Variants in CCDC178 observed in about 807,000 individuals in gnomAD.
The protein encoded by CCDC178 is coiled-coil domain-containing protein 178.
In CCDC178, 126 loss-of-function variants were observed where a neutral mutation model predicts 117.4. The observed-to-expected ratio is 1.07, with a 90% CI of 0.93 to 1.24. The LOEUF is 1.24. CCDC178 is among the 50% of genes most tolerant of loss of function. The probability of loss-of-function intolerance (pLI) is 0.00; values close to 1 mark genes in which losing one functional copy is unlikely to be tolerated. For missense variants in CCDC178, 1,030 were observed against 986.9 expected, an observed-to-expected ratio of 1.04 and a Z score of -0.59; for synonymous variants, 283 against 313.4, an observed-to-expected ratio of 0.90 and a Z score of 1.02.
At chr18:33,114,694 T>TA (rs1389714739) in intron 20 of CCDC178, among the ~76,000 whole-genome samples, 2 of 152,074 alleles carry the variant, frequency 1.3e-5, no homozygotes, top group Non-Finnish European at 2.9e-5. Context: ...AGTTACTTTT[T>TA]AAAAAATGTT....
intron 21 of CCDC178, among the ~76,000 whole-genome samples, chr18:33,065,314 A>G (rs576600113): frequency 7.9e-5 from 12 of 152,312 alleles, no homozygotes; most frequent in African/African-American, 2.4e-4. Flanking sequence ...TGATTTTATC[A>G]TTATACAACA....
At position 33,417,825 on chromosome 18, in the gene CCDC178, G is replaced by A. The variant is rs148239869; in HGVS notation, c.-22-5715C>T. Reference sequence around the variant, plus strand: ...TTGAAACTCTGAATAGACCCATAACGAATTCCAAAATTTAATCAGTAATAA... The same window carrying A: ...TTGAAACTCTGAATAGACCCATAACAAATTCCAAAATTTAATCAGTAATAA... On this transcript the variant is annotated intron_variant, in intron 2 of 22. Transcript: ENST00000383096. 3.8e-3 allele frequency among the ~76,000 whole-genome samples: 579 copies of A among 152,038 alleles called. 2 individuals carry two copies. Among genetic ancestry groups the A allele is most frequent in the African/African-American group, 0.013 (553 of 41,464 alleles).
At chr18:33,196,031 C>A (rs1166639969) in intron 20 of CCDC178, among the ~76,000 whole-genome samples, 1 of 152,178 alleles carries the variant, frequency 6.6e-6, no homozygotes, top group Admixed American at 6.5e-5. Flanking sequence ...CTTTACTTGT[C>A]TGGGGGCTTT....
chr18:33,184,330 GA>G (rs2058765320), intron 20 of CCDC178, among the ~76,000 whole-genome samples: 2 of 151,954 alleles, frequency 1.3e-5, no homozygotes, highest in Non-Finnish European at 2.9e-5. Flanking sequence ...ATATTGTACA[GA>G]ATAAGAGGAA....
At chr18:33,234,945 T>C (rs1421024819) in intron 15 of CCDC178, among the ~76,000 whole-genome samples, 4 of 152,200 alleles carry the variant, frequency 2.6e-5, no homozygotes, top group Non-Finnish European at 5.9e-5. Context: ...AGAAGTTGCA[T>C]GGTGCATACA....
At chr18:33,228,478 TAAG>T (rs1231308474) in intron 15 of CCDC178, among the ~76,000 whole-genome samples, 3 of 152,180 alleles carry the variant, frequency 2.0e-5, no homozygotes, top group Admixed American at 1.3e-4. Flanking sequence ...TTTAAATAGA[TAAG>T]AAGCCTGAAG....
chr18:33,099,292 C>A (rs894459920), intron 20 of CCDC178, among the ~76,000 whole-genome samples: 3 of 152,026 alleles, frequency 2.0e-5, no homozygotes, highest in Non-Finnish European at 4.4e-5. Context: ...ATCCTGTGCA[C>A]ATGCCCACGC....
chr18:33,311,729 G>T (rs1475511541), intron 11 of CCDC178, among the ~76,000 whole-genome samples: 1 of 152,210 alleles, frequency 6.6e-6, no homozygotes, highest in Non-Finnish European at 1.5e-5. Flanking sequence ...AAAAAAGATT[G>T]ACAGGGCCTG....
chr18:33,412,146 CTAAAT>C, intron 2 of CCDC178, 36 bp from the exon 3 acceptor site: 1 of 803,676 alleles, frequency 1.2e-6, no homozygotes, highest in Non-Finnish European at 2.0e-6. Flanking sequence ...TATCATGAAT[CTAAAT>C]TAGTTTATAT....
At chr18:32,946,132 T>C (rs557634419) in intron 22 of CCDC178, among the ~76,000 whole-genome samples, 1 of 152,166 alleles carries the variant, frequency 6.6e-6, no homozygotes, top group Non-Finnish European at 1.5e-5. Context: ...GAAATTCCCA[T>C]GTAACCTACT....
intron 2 of CCDC178, among the ~76,000 whole-genome samples, chr18:33,419,886 C>A (rs556354019): frequency 1.3e-5 from 2 of 151,868 alleles, no homozygotes; most frequent in East Asian, 3.9e-4. Flanking sequence ...ACAGAATTAC[C>A]ATTCAACCCA....
In CCDC178 at chr18:33,243,127, T is replaced by C. The variant is rs114957236; in HGVS notation, c.1593+2118A>G. On this transcript the variant is annotated intron_variant, in intron 15 of 22. Transcript: ENST00000383096. ...ACATGGATGGAACTGGAGGACATTATGTTAAGTGAAGTCACTCAGGAATAG... is the reference window on the plus strand; with the variant it reads ...ACATGGATGGAACTGGAGGACATTACGTTAAGTGAAGTCACTCAGGAATAG... 4.9e-3 allele frequency among the ~76,000 whole-genome samples: 740 copies of C among 152,044 alleles called. 5 individuals carry two copies. The highest frequency in any genetic ancestry group is 0.017 in the African/African-American group (708 of 41,528).
chr18:33,297,285 C>A (rs1387313903), intron 11 of CCDC178, among the ~76,000 whole-genome samples: 1 of 151,696 alleles, frequency 6.6e-6, no homozygotes, highest in Non-Finnish European at 1.5e-5. Flanking sequence ...CCTAGAAAAG[C>A]AAGAACAAAC....
At chr18:33,077,698 T>A (rs934503157) in intron 21 of CCDC178, among the ~76,000 whole-genome samples, 1 of 152,174 alleles carries the variant, frequency 6.6e-6, no homozygotes, top group Non-Finnish European at 1.5e-5. Flanking sequence ...GATAAATTCC[T>A]GGACACATAC....
At chr18:33,081,353 C>T (rs189145334) in intron 21 of CCDC178, among the ~76,000 whole-genome samples, 1 of 152,278 alleles carries the variant, frequency 6.6e-6, no homozygotes, top group Admixed American at 6.5e-5. Flanking sequence ...TATGTAGGGT[C>T]AATTCATGCT....
rs552784666 is a variant in CCDC178, at chr18:33,014,453, TA to T, written c.2389-39773del. Among the ~76,000 whole-genome samples, 819 of 152,310 alleles carry T rather than the reference TA, an allele frequency of 5.4e-3. 8 individuals carry two copies. The highest frequency in any genetic ancestry group is 0.018 in the African/African-American group (742 of 41,574). ...GAAAAACTGGAAAAAGAAATGTCTT[TA>T]AAGGGTCTTTGAAAATCTCTGACAA... On this transcript the variant is annotated intron_variant, in intron 21 of 22. Transcript: ENST00000383096.
chr18:33,162,075 C>T (rs958177561), intron 20 of CCDC178, among the ~76,000 whole-genome samples: 3 of 152,070 alleles, frequency 2.0e-5, no homozygotes, highest in Non-Finnish European at 4.4e-5. Flanking sequence ...AGCAAACTAT[C>T]GCAAGGACAG....
At chr18:33,094,904 A>G (rs2057520495) in intron 20 of CCDC178, among the ~76,000 whole-genome samples, 1 of 151,996 alleles carries the variant, frequency 6.6e-6, no homozygotes, top group Non-Finnish European at 1.5e-5. Flanking sequence ...CCTGAAAGTC[A>G]GTGACCTTCA....
intron 2 of CCDC178, among the ~76,000 whole-genome samples, chr18:33,412,492 T>C (rs548696176): frequency 9.2e-5 from 14 of 152,234 alleles, no homozygotes; most frequent in African/African-American, 3.4e-4. Flanking sequence ...CTTCTTTACC[T>C]TCCTTCAGTT....
Sources: gnomAD v4.1 joint callset for allele counts (sites outside exome capture counted in the v4.1 genomes callset) on GRCh38, gnomAD v4.1.1 for gene constraint, MANE v1.5 for transcripts, NCBI Gene and HGNC (gene_info 2026-07-23, HGNC 2026-07-21) for gene names.